Variants in DST observed in about 807,000 individuals in gnomAD.
DST encodes bullous pemphigoid antigen.
Under a neutral mutation model 875.2 loss-of-function variants are expected in DST, and 253 were observed. That is an observed-to-expected ratio of 0.29 (90% CI 0.26 to 0.32). DST has a LOEUF of 0.32. Among genes scored for constraint, DST ranks in the 10% least tolerant of loss-of-function variants. The pLI is 1.00. For synonymous variants in DST, 3,124 were observed against 3,197.1 expected, an observed-to-expected ratio of 0.98 and a Z score of 0.77; for missense variants, 8,287 against 9,111.6, an observed-to-expected ratio of 0.91 and a Z score of 3.68.
chr6:56,809,419 T>C (rs17684748), intron 4 of DST, among the ~76,000 whole-genome samples: 25,287 of 152,114 alleles, frequency 0.17, 2,346 homozygotes, highest in Non-Finnish European at 0.19. Context: ...TATTAAACAA[T>C]CTTATTTCAC....
At chr6:56,925,324 T>G (rs925337841) in intron 2 of DST, among the ~76,000 whole-genome samples, 9 of 152,180 alleles carry the variant, frequency 5.9e-5, no homozygotes, top group African/African-American at 2.2e-4. Flanking sequence ...GCCAATCAAT[T>G]ATTTTTAAAA....
At chr6:56,817,571 G>T (rs572639471) in intron 4 of DST, among the ~76,000 whole-genome samples, 1 of 152,050 alleles carries the variant, frequency 6.6e-6, no homozygotes, top group African/African-American at 2.4e-5. Context: ...TTTCCTTTGA[G>T]TATTTCTCCC....
chr6:56,507,020 T>C (rs1345867629), intron 75 of DST, among the ~76,000 whole-genome samples: 2 of 152,120 alleles, frequency 1.3e-5, no homozygotes, highest in African/African-American at 4.8e-5. Flanking sequence ...TAAGAAATGA[T>C]AAATAAGAAA....
At chr6:56,763,309 G>A (rs1284403627) in intron 4 of DST, among the ~76,000 whole-genome samples, 2 of 152,064 alleles carry the variant, frequency 1.3e-5, no homozygotes, top group Admixed American at 6.6e-5. Context: ...ATAAGTCAAA[G>A]CGCTGCTTCT....
At position 56,605,516 on chromosome 6, in the gene DST, C is replaced by T. The variant is rs901739025; in HGVS notation, c.9112G>A (p.Gly3038Ser). 11 of 1,612,768 alleles carry T rather than the reference C, an allele frequency of 6.8e-6. No individual in the cohort carries two copies. The highest frequency in any genetic ancestry group is 9.3e-6 in the Non-Finnish European group (11 of 1,179,320). Residue 3038 changes from glycine to serine, a missense_variant, in exon 40 of 104, where the codon GGC becomes AGC. Gly to Ser is a moderately conservative substitution (Grantham distance 56). Around this residue, in one of 10 missense-constraint regions of DST, gnomAD observed 3,138 missense variants for 3,116.6 expected, o/e 1.01. Coordinates refer to ENST00000680361, the MANE Select transcript of DST (RefSeq NM_001374736.1). ...NGSDLIKGRD[G>S]KSDILIEDET... is the part of the protein sequence containing the mutation. The stretch of plus-strand genomic sequence containing the variant: ...TCTTCTATTAGAATATCACTTTTGC[C>T]ATCTCTCCCTTTAATGAGATCGCTT...
At chr6:56,515,741 G>T (rs2096573916) in intron 71 of DST, 73 bp from the exon 72 acceptor site, 1 of 1,194,706 alleles carries the variant, frequency 8.4e-7, no homozygotes, top group Non-Finnish European at 1.2e-6. Context: ...GCTCTGTCCA[G>T]CACAGTACAC....
At chr6:56,527,762 T>C (rs1255962824) in intron 67 of DST, 28 bp from the exon 68 acceptor site, 2 of 1,564,780 alleles carry the variant, frequency 1.3e-6, no homozygotes, top group East Asian at 2.3e-5. Flanking sequence ...CGTTATTTCT[T>C]ATGAAGGAAA....
chr6:56,680,331 G>A (rs1051225303), intron 9 of DST, among the ~76,000 whole-genome samples: 1 of 152,204 alleles, frequency 6.6e-6, no homozygotes, highest in Admixed American at 6.5e-5. Flanking sequence ...TAGAAGTGAT[G>A]GGTAGGGGGA....
chr6:56,588,892 T>C (rs975191761), intron 49 of DST, among the ~76,000 whole-genome samples: 1 of 152,130 alleles, frequency 6.6e-6, no homozygotes, highest in African/African-American at 2.4e-5. Context: ...AGTGGATCTG[T>C]TTGAAAAATT....
At chr6:56,537,994 T>C (rs1019271484) in intron 61 of DST, among the ~76,000 whole-genome samples, 4 of 146,918 alleles carry the variant, frequency 2.7e-5, no homozygotes, top group Admixed American at 1.3e-4. Context: ...ATTATGATTA[T>C]TTTTTTGAGA....
At chr6:56,577,750 C>A (rs2097895714) in intron 50 of DST, among the ~76,000 whole-genome samples, 1 of 151,902 alleles carries the variant, frequency 6.6e-6, no homozygotes, top group African/African-American at 2.4e-5. Context: ...CAGAAATACA[C>A]AATAACATTA....
intron 13 of DST, among the ~76,000 whole-genome samples, chr6:56,647,891 A>C (rs1587727947): frequency 6.6e-6 from 1 of 152,058 alleles, no homozygotes; most frequent in Middle Eastern, 3.4e-3. Context: ...TCACCATGTT[A>C]GCCAGGCTGG....
chr6:56,526,687 C>CT, intron 68 of DST, 120 bp from the exon 69 acceptor site: 2 of 838,416 alleles, frequency 2.4e-6, no homozygotes, highest in Non-Finnish European at 3.6e-6. Flanking sequence ...CACTCCCCCC[C>CT]TCCCTTAGTT....
intron 2 of DST, among the ~76,000 whole-genome samples, chr6:56,913,325 T>C (rs774639833): frequency 2.6e-5 from 4 of 152,224 alleles, no homozygotes; most frequent in Non-Finnish European, 4.4e-5. Flanking sequence ...GATAAGGAAA[T>C]GGACACTTAG....
intron 5 of DST, among the ~76,000 whole-genome samples, chr6:56,721,032 C>T (rs1430648107): frequency 2.0e-5 from 3 of 149,872 alleles, no homozygotes; most frequent in South Asian, 4.2e-4. Context: ...GCCCCCTCCG[C>T]CTCCCAGACA....
intron 4 of DST, among the ~76,000 whole-genome samples, chr6:56,770,737 A>T (rs915633248): frequency 2.0e-5 from 3 of 152,184 alleles, no homozygotes; most frequent in Non-Finnish European, 2.9e-5. Context: ...ACAGTGGCTC[A>T]TGCCTGTAAT....
chr6:56,603,843 G>A lies in DST; in HGVS notation c.10785C>T (p.Thr3595=), dbSNP rs746622467. The change falls in exon 40 of 104, where the codon ACC becomes ACT. Residue 3595 remains threonine, a synonymous_variant. Transcript: ENST00000680361. ...SKEMASGDSS[T]EQFSSELQQC... is the part of the protein sequence containing the mutation. ...AATGTATAGGTCAACTTACTTGTTC[G>A]GTTGAGCTATCTCCAGAAGCCATCT... The A allele has an allele frequency of 5.6e-6, 9 of 1,607,080 alleles. No homozygotes were observed. Among genetic ancestry groups the A allele is most frequent in the Middle Eastern group, 3.3e-4 (2 of 6,044 alleles).
At chr6:56,865,349 G>A (rs1350624818) in intron 3 of DST, among the ~76,000 whole-genome samples, 1 of 151,708 alleles carries the variant, frequency 6.6e-6, no homozygotes, top group Admixed American at 6.6e-5. Context: ...ATCTTGCTCT[G>A]TCATCTAGGC....
intron 4 of DST, chr6:56,843,899 G>T: frequency 5.9e-6 from 1 of 168,164 alleles, no homozygotes. Context: ...CCACCCTGGT[G>T]GACCGTGCGG....
Sources: gnomAD v4.1 joint callset for allele counts (sites outside exome capture counted in the v4.1 genomes callset) on GRCh38, gnomAD v4.1.1 for gene constraint, gnomAD v4.1.1 regional missense constraint, MANE v1.5 for transcripts, NCBI Gene and HGNC (gene_info 2026-07-23, HGNC 2026-07-21) for gene names.